ACTN1: variants seen among roughly 807,000 people sequenced by gnomAD.
ACTN1 encodes the protein actinin alpha 1.
In ACTN1, 30 loss-of-function variants were observed where a neutral mutation model predicts 119.6. The ratio of observed to expected loss-of-function variants is 0.25; its 90% CI spans 0.19 to 0.34. The LOEUF is 0.34. ACTN1 is among the 10% of genes least tolerant of loss of function. The pLI, the probability that ACTN1 is intolerant of heterozygous loss-of-function variation, is 1.00. For synonymous variants in ACTN1, 429 were observed against 472.6 expected (o/e 0.91, Z 1.20); for missense variants, 764 against 1,223.4 (o/e 0.62, Z 5.60).
intron 1 of ACTN1, among the ~76,000 whole-genome samples, chr14:68,975,157 G>A (rs2037019242): frequency 6.6e-6 from 1 of 152,196 alleles, no homozygotes; most frequent in South Asian, 2.1e-4. Context: ...CCCTCTTCCT[G>A]TGACCTAGCC....
At chr14:68,939,370 A>G (rs1372193811) in intron 1 of ACTN1, among the ~76,000 whole-genome samples, 2 of 152,164 alleles carry the variant, frequency 1.3e-5, no homozygotes, top group Non-Finnish European at 2.9e-5. Flanking sequence ...AGTACTTGCG[A>G]CTGGGCCTCC....
chr14:68,927,189 C>G (rs184600734), intron 1 of ACTN1, among the ~76,000 whole-genome samples: 1 of 152,278 alleles, frequency 6.6e-6, no homozygotes, highest in Admixed American at 6.5e-5. Context: ...AATGTCCTCT[C>G]TATCTTGCTT....
In ACTN1 at chr14:68,874,940, G is replaced by T; in HGVS notation, c.2664C>A (p.Pro888=). The change falls in exon 22 of 22, where the codon CCC becomes CCA. Residue 888 remains proline (P), a synonymous_variant. Coordinates refer to ENST00000394419, the MANE Select transcript of ACTN1 (RefSeq NM_001130004.2). ...QAEYCIARMA[P]YTGPDSVPGA... ...CTGGCACGGAGTCGGGGCCGGTGTA[G>T]GGGGCCATCCGCGCGATGCAGTACT... 2 of 1,613,260 alleles carry T rather than the reference G, an allele frequency of 1.2e-6. No individual in the cohort carries two copies. The highest frequency in any genetic ancestry group is 2.2e-5 in the South Asian group (2 of 91,062).
At chr14:68,934,838 A>T (rs976825195) in intron 1 of ACTN1, among the ~76,000 whole-genome samples, 2 of 152,266 alleles carry the variant, frequency 1.3e-5, no homozygotes, top group Non-Finnish European at 2.9e-5. Flanking sequence ...TTAACCAAAA[A>T]AAGCAGGATT....
intron 1 of ACTN1, among the ~76,000 whole-genome samples, chr14:68,948,151 G>A (rs2036001323): frequency 6.6e-6 from 1 of 152,242 alleles, no homozygotes; most frequent in Non-Finnish European, 1.5e-5. Flanking sequence ...TTGGCCTTCT[G>A]CAGGGAGTCC....
rs1198448744 is a variant in ACTN1 at position 68,902,505 on chromosome 14, A to T, written c.734T>A (p.Phe245Tyr). The part of the protein sequence containing the change: ...EKAIMTYVSS[F>Y]YHAFSGAQKA... ...CTGGGCTCCAGAGAAGGCGTGGTAG[A>T]AGCTAGACACGTAAGTCATGATGGC... The change falls in exon 8 of 22, where the codon TTC becomes TAC. Residue 245 changes from phenylalanine (F) to tyrosine (Y), a missense_variant. Physicochemically the swap from Phe to Tyr is conservative, Grantham distance 22. Around this residue, in one of 4 missense-constraint regions of ACTN1, gnomAD observed 544 missense variants for 912.0 expected, o/e 0.60. Transcript: ENST00000394419. 6 of 1,613,974 alleles carry T rather than the reference A, an allele frequency of 3.7e-6. No individual in the cohort carries two copies. The highest frequency in any genetic ancestry group is 4.2e-6 in the Non-Finnish European group (5 of 1,179,932).
At chr14:68,884,933 G>A in intron 12 of ACTN1, 50 bp from the exon 13 acceptor site, 1 of 1,452,344 alleles carries the variant, frequency 6.9e-7, no homozygotes, top group Non-Finnish European at 9.7e-7. Flanking sequence ...TAATTTCATG[G>A]CCCATCTCCC....
chr14:68,958,181 G>T (rs1297526583), intron 1 of ACTN1, among the ~76,000 whole-genome samples: 1 of 152,140 alleles, frequency 6.6e-6, no homozygotes, highest in African/African-American at 2.4e-5. Flanking sequence ...TTTCTAAACC[G>T]CTTTCTATGA....
chr14:68,961,977 C>T (rs2036556132), intron 1 of ACTN1, among the ~76,000 whole-genome samples: 2 of 152,238 alleles, frequency 1.3e-5, no homozygotes, highest in Non-Finnish European at 1.5e-5. Flanking sequence ...TTGCCCTCGG[C>T]ACCCATCTAC....
chr14:68,949,874 G>C (rs1177381420), intron 1 of ACTN1, among the ~76,000 whole-genome samples: 1 of 152,194 alleles, frequency 6.6e-6, no homozygotes, highest in Admixed American at 6.5e-5. Flanking sequence ...AATGCTATAT[G>C]ATTCCACTTA....
chr14:68,896,464 A>C (rs1370239351), intron 8 of ACTN1, among the ~76,000 whole-genome samples: 2 of 152,180 alleles, frequency 1.3e-5, no homozygotes, highest in Non-Finnish European at 2.9e-5. Flanking sequence ...GCTGGGGGTG[A>C]CAGGCCTTCC....
intron 11 of ACTN1, chr14:68,886,110 C>G (rs988726542): frequency 6.6e-6 from 1 of 152,348 alleles, no homozygotes; most frequent in Non-Finnish European, 1.5e-5. Flanking sequence ...GCAGGTCTTG[C>G]GTTTCTTAAA....
In ACTN1 at chr14:68,874,982, C is replaced by T; in HGVS notation, c.2622G>A (p.Leu874=). The T allele has an allele frequency of 1.2e-6, 2 of 1,613,738 alleles. No individual in the cohort carries two copies. The highest frequency in any genetic ancestry group is 1.7e-6 in the Non-Finnish European group (2 of 1,180,014). The stretch of plus-strand genomic sequence containing the variant: ...TGCAGTACTCAGCCTGGTCGGGTGG[C>T]AGCTCGCGGCGCAGCTCGTCCATGG... ...YITMDELRRE[L]PPDQAEYCIA... The change falls in exon 22 of 22, where the codon CTG becomes CTA. Residue 874 remains leucine (L), a synonymous_variant. Transcript: ENST00000394419.
chr14:68,926,632 A>G (rs1265964049), intron 1 of ACTN1, among the ~76,000 whole-genome samples: 1 of 152,222 alleles, frequency 6.6e-6, no homozygotes, highest in Non-Finnish European at 1.5e-5. Context: ...ACCCAACACC[A>G]GAGCCATTCA....
rs765718227 is a variant in ACTN1, at chr14:68,909,933, C to A, written c.515+22G>T. 4.4e-6 allele frequency: 7 copies of A among 1,607,264 alleles called. No individual in the cohort carries two copies. The East Asian group carries it at 6.7e-5, about 15-fold the overall frequency. ...GGGAGGCAGCCTGGTTCTGTGAGAG[C>A]CCCTCAGACCCCAGCACTCACCTTA... On this transcript the variant is annotated intron_variant, in intron 5 of 21. Transcript: ENST00000394419. The surrounding 1 kb of genome is among the most constrained non-coding windows in gnomAD (Gnocchi z 4.1).
intron 1 of ACTN1, chr14:68,936,892 C>T: frequency 1.8e-6 from 1 of 570,922 alleles, no homozygotes. Flanking sequence ...CCTCAATCCC[C>T]AGCCCTCATC....
intron 10 of ACTN1, 152 bp downstream of exon 10, chr14:68,891,901 G>T: frequency 9.4e-7 from 1 of 1,060,876 alleles, no homozygotes; most frequent in Non-Finnish European, 1.3e-6. Context: ...GGTGGTAACT[G>T]GAAGGGGGAA....
rs1404918795 is a variant in ACTN1 at position 68,880,239 on chromosome 14, T to C, written c.2134-131A>G. 1.8e-6 allele frequency: 2 copies of C among 1,124,552 alleles called. No homozygotes were observed. The highest frequency in any genetic ancestry group is 2.5e-6 in the Non-Finnish European group (2 of 803,544). The allele number at this position is 1,124,552 out of a possible 1,614,324, so 69.7% of individuals were successfully genotyped here. On this transcript the variant is annotated intron_variant, in intron 17 of 21. Coordinates refer to ENST00000394419, the MANE Select transcript of ACTN1 (RefSeq NM_001130004.2). The surrounding 1 kb of genome is among the most constrained non-coding windows in gnomAD (Gnocchi z 4.6). ...ACTTGGCCTTCTGTGTGGCTGAGTG[T>C]CACCAGAGGAAGGGGAACCAGGACA...
intron 21 of ACTN1, among the ~76,000 whole-genome samples, chr14:68,876,281 C>T (rs2030881804): frequency 6.6e-6 from 1 of 152,240 alleles, no homozygotes; most frequent in Non-Finnish European, 1.5e-5. Context: ...GCGTGAGCCA[C>T]TGTGCCTGGC....
Sources: allele counts gnomAD v4.1 joint callset (sites outside exome capture counted in the v4.1 genomes callset), GRCh38; gene constraint gnomAD v4.1.1; regional missense constraint gnomAD v4.1.1; non-coding constraint Gnocchi (gnomAD v3.1); transcripts MANE v1.5; gene names NCBI Gene and HGNC (gene_info 2026-07-23, HGNC 2026-07-21).